MARCHF1: variants seen among roughly 807,000 people sequenced by gnomAD.
MARCHF1 encodes E3 ubiquitin-protein ligase MARCHF1.
MARCHF1 carries 40 observed loss-of-function variants against 54.2 expected under a neutral mutation model. The observed-to-expected ratio is 0.74, with a 90% confidence interval of 0.57 to 0.96. The LOEUF is 0.96. Among genes scored for constraint, MARCHF1 ranks in the 40% least tolerant of loss-of-function variants. The probability of loss-of-function intolerance (pLI) is 0.00; values close to 1 mark genes in which losing one functional copy is unlikely to be tolerated. For missense variants in MARCHF1, 586 were observed against 656.5 expected, an observed-to-expected ratio of 0.89 and a Z score of 1.17; for synonymous variants, 236 against 236.3, an observed-to-expected ratio of 1.00 and a Z score of 0.01.
At chr4:164,199,433 G>C (rs1473348928) in intron 1 of MARCHF1, among the ~76,000 whole-genome samples, 1 of 152,114 alleles carries the variant, frequency 6.6e-6, no homozygotes, top group Non-Finnish European at 1.5e-5. Flanking sequence ...CCTGAGGTCA[G>C]GAGTTCAAGA....
At chr4:164,060,322 CAT>C (rs1460382895) in intron 2 of MARCHF1, among the ~76,000 whole-genome samples, 1 of 151,966 alleles carries the variant, frequency 6.6e-6, no homozygotes, top group Non-Finnish European at 1.5e-5. Context: ...ATACGTAAGA[CAT>C]ATGTACACAA....
chr4:164,037,878 C>G (rs977640624), intron 2 of MARCHF1, among the ~76,000 whole-genome samples: 1 of 152,094 alleles, frequency 6.6e-6, no homozygotes, highest in Non-Finnish European at 1.5e-5. Context: ...AGCCAATCCT[C>G]AAAAGTTACA....
At chr4:163,933,174 G>T in intron 3 of MARCHF1, 1 of 776,818 alleles carries the variant, frequency 1.3e-6, no homozygotes. Context: ...TCATTATGGA[G>T]TTTCTTAGAG....
chr4:163,528,829 A>C lies in MARCHF1; in HGVS notation c.1557T>G (p.Ala519=). Residue 519 remains alanine (A), a synonymous_variant, in exon 10 of 10, where the codon GCT becomes GCG. Transcript: ENST00000514618. ...SCNVNTDIKD[A]VVVPVPQTGA... ...CTGTTTGTGGTACAGGCACTACCAC[A>C]GCATCTTTGATGTCTGTGTTTACAT... is the stretch of plus-strand genomic sequence containing the variant. The C allele has an allele frequency of 6.2e-7, 1 of 1,613,360 alleles. No individual in the cohort carries two copies. Among genetic ancestry groups the C allele is most frequent in the Non-Finnish European group, 8.5e-7 (1 of 1,179,552 alleles).
intron 4 of MARCHF1, among the ~76,000 whole-genome samples, chr4:163,827,395 CATT>C (rs1748884006): frequency 6.6e-6 from 1 of 152,066 alleles, no homozygotes; most frequent in African/African-American, 2.4e-5. Flanking sequence ...TAACCAATGA[CATT>C]ATGAAAATAA....
At chr4:164,169,438 C>G (rs985290830) in intron 1 of MARCHF1, among the ~76,000 whole-genome samples, 2 of 151,992 alleles carry the variant, frequency 1.3e-5, no homozygotes, top group Admixed American at 1.3e-4. Context: ...CAGTTAAAGG[C>G]TTTTCATCAT....
Position 163,704,141 on chromosome 4 carries a change from C to CA in MARCHF1, c.112-3279dup, listed in dbSNP as rs535442953. Among the ~76,000 whole-genome samples the CA allele has an allele frequency of 1.0e-3, 147 of 146,472 alleles. 1 individual carries two copies. Among genetic ancestry groups the CA allele is most frequent in the East Asian group, 6.0e-3 (30 of 5,036 alleles). ...TATGAAAAAAAAATAAATATTTCTG[C>CA]AAAAAAAAACACACTAAGACATTCT... On this transcript the variant is annotated intron_variant, in intron 4 of 9. Coordinates refer to ENST00000514618, the MANE Select transcript of MARCHF1 (RefSeq NM_001394959.1).
chr4:163,915,622 T>A (rs1429583981), intron 3 of MARCHF1, among the ~76,000 whole-genome samples: 1 of 152,170 alleles, frequency 6.6e-6, no homozygotes, highest in Non-Finnish European at 1.5e-5. Flanking sequence ...CATTAGACTT[T>A]AATCACAGGG....
chr4:163,649,934 G>A (rs12646855), intron 5 of MARCHF1, among the ~76,000 whole-genome samples: 10,225 of 151,994 alleles, frequency 0.067, 683 homozygotes, highest in East Asian at 0.29. Flanking sequence ...ACATTTATGA[G>A]AAGGTGATTT....
chr4:163,643,409 A>G (rs1309332104), intron 5 of MARCHF1, among the ~76,000 whole-genome samples: 2 of 151,774 alleles, frequency 1.3e-5, no homozygotes, highest in African/African-American at 4.8e-5. Context: ...TCCTGGCTTC[A>G]GGTGATCCTC....
At chr4:164,112,699 A>G (rs1755859134) in intron 1 of MARCHF1, among the ~76,000 whole-genome samples, 1 of 151,976 alleles carries the variant, frequency 6.6e-6, no homozygotes, top group Non-Finnish European at 1.5e-5. Context: ...TTGTAACCAC[A>G]TAAGGTGAGA....
chr4:163,766,696 A>G (rs1746986803), intron 4 of MARCHF1, among the ~76,000 whole-genome samples: 1 of 152,158 alleles, frequency 6.6e-6, no homozygotes, highest in African/African-American at 2.4e-5. Flanking sequence ...CACGAAATAA[A>G]CTACACACCT....
At chr4:164,340,312 C>G (rs1729875946) in intron 1 of MARCHF1, among the ~76,000 whole-genome samples, 1 of 147,906 alleles carries the variant, frequency 6.8e-6, no homozygotes, top group African/African-American at 2.5e-5. Flanking sequence ...TCTCAGCTTG[C>G]TGCAACCTCT....
In MARCHF1 at chr4:164,273,289, A is replaced by G. The variant is rs1284535083; in HGVS notation, c.-323+110581T>C. Among the ~76,000 whole-genome samples, 3 of 152,238 alleles carry G rather than the reference A, an allele frequency of 2.0e-5. No homozygotes were observed. The East Asian group carries it at 5.8e-4, about 30-fold the overall frequency. The stretch of plus-strand genomic sequence containing the variant: ...AGGAGAAGTGCCGAGCAAAGGGGAA[A>G]TAATCCCTTATAAAACCATCAAATC... On this transcript the variant is annotated intron_variant, in intron 1 of 9. Coordinates refer to ENST00000514618, the MANE Select transcript of MARCHF1 (RefSeq NM_001394959.1).
chr4:164,206,239 C>G (rs1459540573), intron 1 of MARCHF1, among the ~76,000 whole-genome samples: 1 of 152,156 alleles, frequency 6.6e-6, no homozygotes, highest in Admixed American at 6.5e-5. Flanking sequence ...GAGTTCGAGA[C>G]CAGCCTGGCC....
intron 1 of MARCHF1, among the ~76,000 whole-genome samples, chr4:164,360,613 AGAGTTCTACT>A (rs1224039732): frequency 1.3e-5 from 2 of 152,102 alleles, no homozygotes; most frequent in Non-Finnish European, 2.9e-5. Context: ...CCCCACCCAA[AGAGTTCTACT>A]GAGATGGGGC....
At chr4:164,164,430 G>A (rs149017503) in intron 1 of MARCHF1, among the ~76,000 whole-genome samples, 161 of 151,924 alleles carry the variant, frequency 1.1e-3, no homozygotes, top group African/African-American at 3.8e-3. Context: ...TTAAAAAGAT[G>A]AGAATTTTAT....
At chr4:163,544,853 G>T (rs373178011) in intron 9 of MARCHF1, among the ~76,000 whole-genome samples, 1 of 152,070 alleles carries the variant, frequency 6.6e-6, no homozygotes, top group African/African-American at 2.4e-5. Context: ...TGTTTCCTGC[G>T]GGAGTGTGGG....
At chr4:163,915,343 A>C (rs1237076716) in intron 3 of MARCHF1, among the ~76,000 whole-genome samples, 1 of 152,084 alleles carries the variant, frequency 6.6e-6, no homozygotes, top group African/African-American at 2.4e-5. Flanking sequence ...AATTATGAGA[A>C]AAATGTAAAA....
Sources: gnomAD v4.1 joint callset for allele counts (sites outside exome capture counted in the v4.1 genomes callset) on GRCh38, gnomAD v4.1.1 for gene constraint, MANE v1.5 for transcripts, NCBI Gene and HGNC (gene_info 2026-07-23, HGNC 2026-07-21) for gene names.